Variants in RGS6 observed in about 807,000 individuals in gnomAD.
RGS6 encodes the protein regulator of G-protein signaling 6.
In RGS6, 30 loss-of-function variants were observed where a neutral mutation model predicts 78.5. The observed-to-expected ratio is 0.38, with a 90% CI of 0.29 to 0.52. The LOEUF is 0.52. Among genes scored for constraint, RGS6 ranks in the 20% least tolerant of loss-of-function variants. The pLI is 0.85. For missense variants in RGS6, 495 were observed against 609.7 expected (o/e 0.81, Z 1.98); for synonymous variants, 206 against 206.0 (o/e 1.00, Z 0.00).
intron 2 of RGS6, among the ~76,000 whole-genome samples, chr14:71,986,309 T>C (rs2094707561): frequency 6.6e-6 from 1 of 152,210 alleles, no homozygotes; most frequent in African/African-American, 2.4e-5. Flanking sequence ...ATTCAGTGGC[T>C]AACTTATTAG....
chr14:72,584,199 C>G, the RGS6 span, among the ~76,000 whole-genome samples: 6 of 152,140 alleles, frequency 3.9e-5, no homozygotes, highest in South Asian at 1.2e-3. Flanking sequence ...CTAATAAAGA[C>G]CCACAATAGC....
Position 72,358,946 on chromosome 14 carries a change from G to T in RGS6, c.184+6752G>T, listed in dbSNP as rs576071529. Among the ~76,000 whole-genome samples, 3 of 152,292 alleles carry T rather than the reference G, an allele frequency of 2.0e-5. No homozygotes were observed. In the South Asian group the frequency reaches 6.2e-4, roughly 32 times the overall value. On this transcript the variant is annotated intron_variant, in intron 3 of 17. Coordinates refer to ENST00000553525, the MANE Select transcript of RGS6 (RefSeq NM_001204424.2). ...AGTCTTGGGAAGGATGCAGTGGGAG[G>T]TAATTGAATCATGGGTTGGTTACCT...
At chr14:72,073,880 TATTG>T (rs760376781) in intron 2 of RGS6, among the ~76,000 whole-genome samples, 8 of 152,200 alleles carry the variant, frequency 5.3e-5, no homozygotes, top group Non-Finnish European at 8.8e-5. Context: ...TTATTACTAT[TATTG>T]GATATTCTCT....
the RGS6 span, chr14:72,594,451 C>T: frequency 6.6e-6 from 1 of 152,204 alleles, no homozygotes; most frequent in Non-Finnish European, 1.5e-5. Context: ...CTTCCCCCAG[C>T]CTTCTAGAAA....
chr14:72,111,995 A>T (rs370140485), intron 2 of RGS6, among the ~76,000 whole-genome samples: 2 of 152,162 alleles, frequency 1.3e-5, no homozygotes, highest in African/African-American at 4.8e-5. Context: ...CTACAGTGCA[A>T]TTTGGCTCTT....
At chr14:72,406,411 G>A (rs995460038) in intron 3 of RGS6, among the ~76,000 whole-genome samples, 2 of 152,070 alleles carry the variant, frequency 1.3e-5, no homozygotes, top group Non-Finnish European at 2.9e-5. Context: ...CTGCTATTTA[G>A]CACAACATCA....
At chr14:72,395,758 C>T (rs942824931) in intron 3 of RGS6, among the ~76,000 whole-genome samples, 16 of 152,194 alleles carry the variant, frequency 1.1e-4, no homozygotes, top group African/African-American at 3.1e-4. Flanking sequence ...GTTCAATTCC[C>T]ACCTATGAGT....
rs555259629 is a variant in RGS6 at position 72,384,943 on chromosome 14, G to T, written c.184+32749G>T. Among the ~76,000 whole-genome samples the T allele has an allele frequency of 1.1e-4, 16 of 152,166 alleles. No homozygotes were observed. The South Asian group carries it at 3.3e-3, about 32-fold the overall frequency. On this transcript the variant is annotated intron_variant, in intron 3 of 17. Coordinates refer to ENST00000553525, the MANE Select transcript of RGS6 (RefSeq NM_001204424.2). Reference sequence around the variant, plus strand: ...TTTTTGTATTTTTTAGTAGAGATGGGGTTTCACCATCTTGGCCAGGCTGGT... The same window carrying T: ...TTTTTGTATTTTTTAGTAGAGATGGTGTTTCACCATCTTGGCCAGGCTGGT...
intron 17 of RGS6, among the ~76,000 whole-genome samples, chr14:72,549,284 T>A (rs2153528594): frequency 6.6e-6 from 1 of 151,868 alleles, no homozygotes; most frequent in East Asian, 1.9e-4. Flanking sequence ...GCAGCTGAGC[T>A]CTGGGCAACA....
At chr14:72,254,395 C>T (rs1321622572) in intron 2 of RGS6, among the ~76,000 whole-genome samples, 3 of 152,104 alleles carry the variant, frequency 2.0e-5, no homozygotes, top group Non-Finnish European at 4.4e-5. Flanking sequence ...GCCTCTTGTG[C>T]GATGGTTGGC....
chr14:72,612,604 A>G, the RGS6 span: 13 of 518,774 alleles, frequency 2.5e-5, no homozygotes, highest in African/African-American at 5.8e-5. Context: ...GGGAAGGGAG[A>G]GGGCAGGAGG....
intron 3 of RGS6, among the ~76,000 whole-genome samples, chr14:72,354,127 CTT>C (rs1245163459): frequency 1.3e-5 from 2 of 152,172 alleles, no homozygotes; most frequent in Non-Finnish European, 2.9e-5. Context: ...GACTGTCACT[CTT>C]TGAACTCAGG....
At chr14:72,486,840 C>G (rs1293247390) in intron 12 of RGS6, among the ~76,000 whole-genome samples, 2 of 152,162 alleles carry the variant, frequency 1.3e-5, no homozygotes, top group Non-Finnish European at 2.9e-5. Context: ...GGTAAGGAGT[C>G]CTTGCTTTCA....
chr14:72,579,176 T>C, the RGS6 span, among the ~76,000 whole-genome samples: 1 of 152,120 alleles, frequency 6.6e-6, no homozygotes, highest in East Asian at 1.9e-4. Context: ...TGGCCTATCC[T>C]AAGGAGAAGG....
intron 2 of RGS6, among the ~76,000 whole-genome samples, chr14:72,236,418 G>A (rs113073554): frequency 2.3e-4 from 35 of 152,152 alleles, no homozygotes; most frequent in African/African-American, 5.1e-4. Context: ...TAAAATGTGC[G>A]CACAGCAACA....
At chr14:72,399,469 G>T (rs1407646972) in intron 3 of RGS6, among the ~76,000 whole-genome samples, 1 of 152,034 alleles carries the variant, frequency 6.6e-6, no homozygotes, top group African/African-American at 2.4e-5. Flanking sequence ...ACACTGCTGG[G>T]TCTTGACTCT....
intron 2 of RGS6, among the ~76,000 whole-genome samples, chr14:72,060,593 T>C (rs2153434053): frequency 6.6e-6 from 1 of 152,360 alleles, no homozygotes. Context: ...GTTGAAATCA[T>C]CTGAGGTCAG....
intron 3 of RGS6, among the ~76,000 whole-genome samples, chr14:72,378,946 A>T (rs1420658429): frequency 6.6e-6 from 1 of 152,134 alleles, no homozygotes; most frequent in African/African-American, 2.4e-5. Context: ...AACAAAATAC[A>T]AACCAAATCC....
chr14:72,250,009 A>G (rs569836115), intron 2 of RGS6, among the ~76,000 whole-genome samples: 5 of 147,570 alleles, frequency 3.4e-5, no homozygotes, highest in Admixed American at 2.8e-4. Flanking sequence ...CAAACACCGC[A>G]TATTCTCACT....
Sources: allele counts gnomAD v4.1 joint callset (sites outside exome capture counted in the v4.1 genomes callset), GRCh38; gene constraint gnomAD v4.1.1; transcripts MANE v1.5; gene names NCBI Gene and HGNC (gene_info 2026-07-23, HGNC 2026-07-21).